The following CACNA1E variants were observed in gnomAD, a reference collection of about 807,000 sequenced individuals.
CACNA1E encodes calcium voltage-gated channel subunit alpha1 E.
Under a neutral mutation model 259.2 loss-of-function variants are expected in CACNA1E, and 40 were observed. The ratio of observed to expected loss-of-function variants is 0.15; its 90% confidence interval spans 0.12 to 0.20. The LOEUF is 0.20. CACNA1E is among the 10% of genes least tolerant of loss of function. The probability of loss-of-function intolerance (pLI) is 1.00; values close to 1 mark genes in which losing one functional copy is unlikely to be tolerated. For missense variants in CACNA1E, 1,874 were observed against 3,040.1 expected (o/e 0.62, Z 9.02); for synonymous variants, 1,104 against 1,138.5 (o/e 0.97, Z 0.61).
chr1:181,444,912 C>T (rs1294328650), intron 2 of CACNA1E, among the ~76,000 whole-genome samples: 1 of 152,160 alleles, frequency 6.6e-6, no homozygotes, highest in Non-Finnish European at 1.5e-5. Flanking sequence ...TTTTTCCCAG[C>T]TGTGGTTCCT....
intron 1 of CACNA1E, among the ~76,000 whole-genome samples, chr1:181,341,355 T>C (rs1458513712): frequency 6.6e-6 from 1 of 152,224 alleles, no homozygotes; most frequent in Non-Finnish European, 1.5e-5. Flanking sequence ...TTGTCATTCC[T>C]AGAGGTTGCA....
In CACNA1E at chr1:181,805,470, A is replaced by G. The variant is rs892373544; in HGVS notation, c.*6636A>G. ...TGAAATGAGGGCTAAACAATGTAAT[A>G]TAACTGCCAGTTAAGGTAGACAGTA... On this transcript the variant is annotated 3_prime_UTR_variant, in exon 48 of 48. Coordinates refer to ENST00000367573, the MANE Select transcript of CACNA1E (RefSeq NM_001205293.3). 64 of 152,370 alleles carry G rather than the reference A, an allele frequency of 4.2e-4. No homozygotes were observed. The highest frequency in any genetic ancestry group is 3.4e-3 in the Middle Eastern group (1 of 294). 9.4% of individuals were successfully genotyped at this position (152,370 alleles called of 1,614,324 possible). A position where few individuals can be genotyped will look rare whatever the true frequency, so the allele number is the denominator to read the frequency against.
intron 35 of CACNA1E, among the ~76,000 whole-genome samples, chr1:181,768,973 G>A (rs368181407): frequency 1.3e-4 from 20 of 152,310 alleles, no homozygotes; most frequent in Middle Eastern, 3.4e-3. Context: ...TTTCAAAGGC[G>A]CCTTGGAAAA....
At chr1:181,712,567 G>A (rs565609977) in intron 8 of CACNA1E, among the ~76,000 whole-genome samples, 1 of 152,120 alleles carries the variant, frequency 6.6e-6, no homozygotes, top group African/African-American at 2.4e-5. Context: ...GTATGATTGC[G>A]ATCTGCACTC....
chr1:181,528,155 G>GC (rs61342396), intron 3 of CACNA1E, among the ~76,000 whole-genome samples: 1 of 149,338 alleles, frequency 6.7e-6, no homozygotes, highest in East Asian at 1.9e-4. Context: ...GGTGGGGGGG[G>GC]CAGTAATTGA....
intron 1 of CACNA1E, among the ~76,000 whole-genome samples, chr1:181,341,063 T>G (rs1188641863): frequency 6.6e-6 from 1 of 152,144 alleles, no homozygotes; most frequent in African/African-American, 2.4e-5. Flanking sequence ...AACTCAGGCC[T>G]CTTACCTTCC....
chr1:181,454,633 T>G (rs1363111833), intron 2 of CACNA1E, among the ~76,000 whole-genome samples: 1 of 152,216 alleles, frequency 6.6e-6, no homozygotes, highest in Non-Finnish European at 1.5e-5. Context: ...GACAAATCCA[T>G]TTTTATTAGC....
chr1:181,603,476 T>C (rs998319649), intron 6 of CACNA1E, among the ~76,000 whole-genome samples: 3 of 152,158 alleles, frequency 2.0e-5, no homozygotes, highest in African/African-American at 7.2e-5. Context: ...TAGCTAGCTG[T>C]GTGTGGAAAC....
In CACNA1E at chr1:181,684,093, C is replaced by T. The variant is rs896809035; in HGVS notation, c.1056-26861C>T. ...CACAGTGGCTGAACTGATTTACATT[C>T]TCATCAACAGTGTATACGCGTTCCC... On this transcript the variant is annotated intron_variant, in intron 7 of 47. Coordinates refer to ENST00000367573, the MANE Select transcript of CACNA1E (RefSeq NM_001205293.3). 5.3e-5 allele frequency among the ~76,000 whole-genome samples: 8 copies of T among 152,170 alleles called. No homozygotes were observed. In the South Asian group the frequency reaches 1.7e-3, roughly 32 times the overall value.
chr1:181,429,629 T>C (rs1022874297), intron 2 of CACNA1E, among the ~76,000 whole-genome samples: 1 of 152,190 alleles, frequency 6.6e-6, no homozygotes, highest in Admixed American at 6.5e-5. Context: ...CATTCAGGGT[T>C]GTGTGTGAGG....
At chr1:181,591,987 C>T (rs1000623098) in intron 6 of CACNA1E, among the ~76,000 whole-genome samples, 22 of 152,220 alleles carry the variant, frequency 1.4e-4, no homozygotes, top group African/African-American at 4.6e-4. Context: ...CTTCCTGTCT[C>T]TCAGTCTAGC....
chr1:181,686,283 T>TGTTTTTTTTTTG (rs1558265265), intron 7 of CACNA1E, among the ~76,000 whole-genome samples: 15 of 122,782 alleles, frequency 1.2e-4, no homozygotes, highest in South Asian at 5.7e-4. Context: ...AAGTTTTTTT[T>TGTTTTTTTTTTG]TTTTTTTTTT....
intron 13 of CACNA1E, 127 bp from the exon 14 acceptor site, chr1:181,720,079 C>T: frequency 8.7e-7 from 1 of 1,150,836 alleles, no homozygotes; most frequent in Non-Finnish European, 1.2e-6. Flanking sequence ...AGGTTTCTGC[C>T]CTCTTTACTT....
intron 24 of CACNA1E, 91 bp downstream of exon 24, chr1:181,738,517 C>A: frequency 5.9e-6 from 6 of 1,022,188 alleles, no homozygotes; most frequent in Non-Finnish European, 9.2e-6. Flanking sequence ...GTGTTACCAC[C>A]TACCAGCCAA....
intron 1 of CACNA1E, among the ~76,000 whole-genome samples, chr1:181,389,351 G>A (rs1656087713): frequency 6.6e-6 from 1 of 152,222 alleles, no homozygotes; most frequent in Non-Finnish European, 1.5e-5. Context: ...GAAACAAGGA[G>A]ACTTCGTGTT....
At chr1:181,674,986 AG>A (rs1406089966) in intron 7 of CACNA1E, among the ~76,000 whole-genome samples, 3 of 151,954 alleles carry the variant, frequency 2.0e-5, no homozygotes, top group Non-Finnish European at 4.4e-5. Context: ...TTGATAGCAA[AG>A]GTTAGTGTTA....
At chr1:181,697,070 G>A (rs941558525) in intron 7 of CACNA1E, among the ~76,000 whole-genome samples, 19 of 152,138 alleles carry the variant, frequency 1.2e-4, no homozygotes, top group Non-Finnish European at 2.5e-4. Flanking sequence ...TTCTGACCTC[G>A]GGTCCTATCC....
intron 1 of CACNA1E, among the ~76,000 whole-genome samples, chr1:181,499,056 C>A (rs145875668): frequency 1.1e-4 from 17 of 152,300 alleles, no homozygotes; most frequent in African/African-American, 3.8e-4. Context: ...GGTTAATATT[C>A]TTCTTTCCCA....
chr1:181,622,068 C>G (rs1655776034), intron 6 of CACNA1E, among the ~76,000 whole-genome samples: 1 of 152,180 alleles, frequency 6.6e-6, no homozygotes, highest in African/African-American at 2.4e-5. Flanking sequence ...AGCAGAGTCC[C>G]TACTCCCTGC....
Sources: allele counts gnomAD v4.1 joint callset (sites outside exome capture counted in the v4.1 genomes callset), GRCh38; gene constraint gnomAD v4.1.1; transcripts MANE v1.5; gene names NCBI Gene and HGNC (gene_info 2026-07-23, HGNC 2026-07-21).